Variants in SLCO1C1 observed in about 807,000 individuals in gnomAD.
SLCO1C1 encodes solute carrier organic anion transporter family member 1C1.
Under a neutral mutation model 76.4 loss-of-function variants are expected in SLCO1C1, and 70 were observed. The ratio of observed to expected loss-of-function variants is 0.92; its 90% CI spans 0.76 to 1.12. The LOEUF (loss-of-function observed/expected upper bound fraction) is 1.12, where lower values mean the gene tolerates loss of function less well. Among genes scored for constraint, SLCO1C1 ranks in the 50% most tolerant of loss-of-function variants. The pLI is 0.00. For missense variants in SLCO1C1, 912 were observed against 823.8 expected (o/e 1.11, Z -1.31); for synonymous variants, 306 against 286.1 (o/e 1.07, Z -0.70).
At chr12:20,740,783 T>TTTTATATATATATATATA (rs1948768703) in intron 12 of SLCO1C1, among the ~76,000 whole-genome samples, 8 of 53,994 alleles carry the variant, frequency 1.5e-4, no homozygotes, top group Non-Finnish European at 1.2e-4. Context: ...AGAATTTATT[T>TTTTATATATATATATATA]TATTTATATA....
chr12:20,745,401 CATT>C (rs1207657336), intron 13 of SLCO1C1, among the ~76,000 whole-genome samples: 1 of 151,854 alleles, frequency 6.6e-6, no homozygotes, highest in East Asian at 1.9e-4. Flanking sequence ...GATTTATAGT[CATT>C]ATTAGTACTA....
At position 20,701,464 on chromosome 12, in the gene SLCO1C1, G is replaced by T. The variant is rs1187905247; in HGVS notation, c.271+5G>T. 6.8e-7 allele frequency: 1 copy of T among 1,469,830 alleles called. No individual in the cohort carries two copies. Among genetic ancestry groups the T allele is most frequent in the African/African-American group, 1.4e-5 (1 of 71,470 alleles). The allele number at this position is 1,469,830 out of a possible 1,614,324, so 91.0% of individuals were successfully genotyped here. On this transcript the variant is annotated splice_donor_5th_base_variant and intron_variant, in intron 3 of 14. Coordinates refer to ENST00000266509, the MANE Select transcript of SLCO1C1 (RefSeq NM_017435.5). ...TTGATGGTAGTTTTGAAATTGGTAG[G>T]TATTACAGATGCCTGACTTTAATTT...
intron 4 of SLCO1C1, among the ~76,000 whole-genome samples, chr12:20,709,447 C>T (rs982353801): frequency 6.6e-6 from 1 of 152,088 alleles, no homozygotes; most frequent in Non-Finnish European, 1.5e-5. Flanking sequence ...GAAAAATTTT[C>T]AAAATACTCC....
intron 13 of SLCO1C1, among the ~76,000 whole-genome samples, chr12:20,745,679 G>T (rs1275678860): frequency 4.0e-5 from 6 of 151,856 alleles, no homozygotes; most frequent in Admixed American, 3.9e-4. Context: ...ACAAAAATTA[G>T]CCGGGTGTGC....
chr12:20,728,281 C>T (rs1000701379), intron 9 of SLCO1C1, among the ~76,000 whole-genome samples: 1 of 151,994 alleles, frequency 6.6e-6, no homozygotes, highest in Non-Finnish European at 1.5e-5. Context: ...GTCCTTTTTC[C>T]ATTTCTTGTT....
At position 20,711,517 on chromosome 12, in the gene SLCO1C1, T is replaced by C. The variant is rs71581956; in HGVS notation, c.529+7T>C. On this transcript the variant is annotated splice_region_variant and intron_variant, in intron 5 of 14. Coordinates refer to ENST00000266509, the MANE Select transcript of SLCO1C1 (RefSeq NM_017435.5). Reference sequence around the variant, plus strand: ...AAATCCAAAATAAGTAACGGTAAGATCATTTTTTTGACTTGACTAAACAAG... The same window carrying C: ...AAATCCAAAATAAGTAACGGTAAGACCATTTTTTTGACTTGACTAAACAAG... 1.2e-6 allele frequency: 2 copies of C among 1,612,234 alleles called. No individual in the cohort carries two copies. Among genetic ancestry groups the C allele is most frequent in the East Asian group, 2.2e-5 (1 of 44,812 alleles).
Position 20,715,204 on chromosome 12 carries a change from A to G in SLCO1C1, c.595A>G (p.Ile199Val). 1.2e-6 allele frequency: 2 copies of G among 1,614,106 alleles called. No homozygotes were observed. Among genetic ancestry groups the G allele is most frequent in the Non-Finnish European group, 1.7e-6 (2 of 1,179,950 alleles). The change falls in exon 6 of 15, where the codon ATA (isoleucine) becomes GTA (valine). Residue 199 changes from isoleucine to valine, a missense_variant. Ile to Val is a conservative substitution (Grantham distance 29, BLOSUM62 3). Transcript: ENST00000266509. ...YVFLGNLLRGIGETPIQPLGI... is the reference protein window; with the variant it reads ...YVFLGNLLRGVGETPIQPLGI... ...TTTCCTGGGCAATCTTCTTCGTGGA[A>G]TAGGAGAAACTCCCATTCAGCCTTT...
intron 9 of SLCO1C1, among the ~76,000 whole-genome samples, chr12:20,725,464 T>TATA (rs1947932716): frequency 1.4e-5 from 2 of 146,792 alleles, no homozygotes; most frequent in South Asian, 4.2e-4. Context: ...TACTATAATA[T>TATA]ATAATAATAA....
chr12:20,731,742 A>G (rs551020524), intron 9 of SLCO1C1, among the ~76,000 whole-genome samples: 2 of 152,352 alleles, frequency 1.3e-5, no homozygotes, highest in African/African-American at 2.4e-5. Context: ...ACAATTTACA[A>G]TCCAACAAAT....
Position 20,740,175 on chromosome 12 carries a change from G to A in SLCO1C1, c.1549-9G>A, listed in dbSNP as rs12304500. Reference sequence around the variant, plus strand: ...TGAAATAATTGGACTTTTCCCTATCGTGTTACAGATATTTTACAACTGCAC... The same window carrying A: ...TGAAATAATTGGACTTTTCCCTATCATGTTACAGATATTTTACAACTGCAC... On this transcript the variant is annotated splice_polypyrimidine_tract_variant and intron_variant, in intron 11 of 14. Transcript: ENST00000266509. 65 of 1,597,992 alleles carry A rather than the reference G, an allele frequency of 4.1e-5. No individual in the cohort carries two copies. The highest frequency in any genetic ancestry group is 5.3e-5 in the Non-Finnish European group (62 of 1,173,702).
intron 4 of SLCO1C1, among the ~76,000 whole-genome samples, chr12:20,708,699 T>C (rs1049163860): frequency 3.9e-5 from 6 of 152,172 alleles, no homozygotes; most frequent in Non-Finnish European, 8.8e-5. Flanking sequence ...CAAGGAGGCC[T>C]GTGTGGCTAA....
intron 13 of SLCO1C1, among the ~76,000 whole-genome samples, chr12:20,746,770 A>G (rs1482352011): frequency 6.6e-6 from 1 of 152,108 alleles, no homozygotes; most frequent in Non-Finnish European, 1.5e-5. Context: ...ATAAAGAAGA[A>G]TTAAATCCAG....
chr12:20,727,839 T>C (rs1418470300), intron 9 of SLCO1C1, among the ~76,000 whole-genome samples: 2 of 152,212 alleles, frequency 1.3e-5, no homozygotes, highest in Admixed American at 1.3e-4. Context: ...TGTCTGTACA[T>C]GTCCGTTGTC....
At chr12:20,744,967 C>T (rs1430981340) in intron 13 of SLCO1C1, among the ~76,000 whole-genome samples, 2 of 151,966 alleles carry the variant, frequency 1.3e-5, no homozygotes, top group Non-Finnish European at 2.9e-5. Flanking sequence ...CTAATGTTAC[C>T]GAGTGATCTC....
At position 20,705,945 on chromosome 12, in the gene SLCO1C1, A is replaced by G. The variant is rs1218777271; in HGVS notation, c.272-4A>G. 1 of 1,612,266 alleles carries G rather than the reference A, an allele frequency of 6.2e-7. No individual in the cohort carries two copies. Among genetic ancestry groups the G allele is most frequent in the East Asian group, 2.2e-5 (1 of 44,806 alleles). On this transcript the variant is annotated splice_region_variant and splice_polypyrimidine_tract_variant and intron_variant, in intron 3 of 14. Coordinates refer to ENST00000266509, the MANE Select transcript of SLCO1C1 (RefSeq NM_017435.5). ...TTTATGATGTTTTATTCTTTTCCTC[A>G]AAGGGAATCTCTTAGTTATAACATT...
intron 1 of SLCO1C1, among the ~76,000 whole-genome samples, chr12:20,699,014 A>T (rs1214685401): frequency 6.6e-6 from 1 of 152,064 alleles, no homozygotes; most frequent in African/African-American, 2.4e-5. Flanking sequence ...ATCAAACAAA[A>T]ACAATACACA....
At chr12:20,727,774 G>T (rs1370150201) in intron 9 of SLCO1C1, among the ~76,000 whole-genome samples, 3 of 152,204 alleles carry the variant, frequency 2.0e-5, no homozygotes, top group Admixed American at 6.5e-5. Flanking sequence ...CTCCCAAAGT[G>T]CTGGGATTAC....
intron 9 of SLCO1C1, among the ~76,000 whole-genome samples, chr12:20,725,665 G>A (rs1008689806): frequency 2.0e-5 from 3 of 148,758 alleles, no homozygotes; most frequent in African/African-American, 7.4e-5. Flanking sequence ...ATATTATACT[G>A]CTAAGTGCAG....
intron 10 of SLCO1C1, 70 bp from the exon 11 acceptor site, chr12:20,737,037 T>G: frequency 7.6e-7 from 1 of 1,323,386 alleles, no homozygotes; most frequent in Non-Finnish European, 9.8e-7. Context: ...TCAAGAACAT[T>G]GATTTTTTGA....
Sources: gnomAD v4.1 joint callset for allele counts (sites outside exome capture counted in the v4.1 genomes callset) on GRCh38, gnomAD v4.1.1 for gene constraint, MANE v1.5 for transcripts, NCBI Gene and HGNC (gene_info 2026-07-23, HGNC 2026-07-21) for gene names.